The following HSDL2 variants were observed in gnomAD, a reference collection of about 807,000 sequenced individuals.
The protein encoded by HSDL2 is hydroxysteroid dehydrogenase-like protein 2.
Under a neutral mutation model 46.3 loss-of-function variants are expected in HSDL2, and 27 were observed. The observed-to-expected ratio is 0.58, with a 90% CI of 0.43 to 0.80. The LOEUF (loss-of-function observed/expected upper bound fraction) is 0.80. Among genes scored for constraint, HSDL2 ranks in the 30% least tolerant of loss-of-function variants. The pLI, the probability that HSDL2 is intolerant of heterozygous loss-of-function variation, is 0.00. For synonymous variants in HSDL2, 153 were observed against 163.6 expected (o/e 0.94, Z 0.50); for missense variants, 451 against 502.7 (o/e 0.90, Z 0.98).
At chr9:112,442,129 C>T (rs983616448) in intron 8 of HSDL2, among the ~76,000 whole-genome samples, 3 of 151,470 alleles carry the variant, frequency 2.0e-5, no homozygotes, top group African/African-American at 4.9e-5. Context: ...ATACGTTGGG[C>T]GTGGTGGCAC....
chr9:112,411,589 C>T (rs577706050), intron 4 of HSDL2, among the ~76,000 whole-genome samples: 8 of 152,220 alleles, frequency 5.3e-5, no homozygotes, highest in South Asian at 2.1e-4. Flanking sequence ...GCAGGAGAAT[C>T]GCTTGAACCC....
At chr9:112,467,131 A>G (rs1448928188) in intron 10 of HSDL2, among the ~76,000 whole-genome samples, 2 of 152,246 alleles carry the variant, frequency 1.3e-5, no homozygotes, top group Admixed American at 6.5e-5. Flanking sequence ...TATTCACAGC[A>G]GCGCTATTCA....
intron 10 of HSDL2, among the ~76,000 whole-genome samples, chr9:112,465,594 C>T (rs1833351659): frequency 6.6e-6 from 1 of 152,200 alleles, no homozygotes; most frequent in African/African-American, 2.4e-5. Flanking sequence ...AACCACTAAT[C>T]TGCTTTTTCT....
At chr9:112,385,065 G>T (rs919885885) in intron 1 of HSDL2, among the ~76,000 whole-genome samples, 1 of 152,144 alleles carries the variant, frequency 6.6e-6, no homozygotes, top group South Asian at 2.1e-4. Flanking sequence ...CTACAGCCTT[G>T]CTTGCAGTAG....
intron 1 of HSDL2, among the ~76,000 whole-genome samples, chr9:112,390,068 A>G (rs7857879): frequency 0.13 from 19,006 of 141,826 alleles, 1,655 homozygotes; most frequent in East Asian, 0.22. Context: ...CTGTCTCAAA[A>G]TAAATAAATA....
At chr9:112,440,546 C>T (rs1832618327) in intron 7 of HSDL2, among the ~76,000 whole-genome samples, 1 of 152,138 alleles carries the variant, frequency 6.6e-6, no homozygotes, top group East Asian at 1.9e-4. Context: ...AACAGTTAAC[C>T]TATTTGCTAA....
chr9:112,470,574 A>G lies in HSDL2; in HGVS notation c.*30A>G, dbSNP rs1391273868. 4 of 1,263,442 alleles carry G rather than the reference A, an allele frequency of 3.2e-6. No individual in the cohort carries two copies. The highest frequency in any genetic ancestry group is 4.5e-6 in the Non-Finnish European group (4 of 888,448). 78.3% of individuals were successfully genotyped at this position (1,263,442 alleles called of 1,614,324 possible). ...AAATATAAAAAAAAAGTCGACTGCTATGCTCAAAAAGTAAAAAAAGCTCAA... is the reference window on the plus strand; with the variant it reads ...AAATATAAAAAAAAAGTCGACTGCTGTGCTCAAAAAGTAAAAAAAGCTCAA... On this transcript the variant is annotated 3_prime_UTR_variant, in exon 11 of 11. Coordinates refer to ENST00000398805, the MANE Select transcript of HSDL2 (RefSeq NM_032303.5).
In HSDL2 at chr9:112,449,742, G is replaced by A. The variant is rs529555725; in HGVS notation, c.866-4271G>A. On this transcript the variant is annotated intron_variant, in intron 8 of 10. Transcript: ENST00000398805. Reference sequence around the variant, plus strand: ...TAGTCGGGTGTGGTGGTGCACATCTGTAATCCCAGCTGCCCAGGAGGTGGA... The same window carrying A: ...TAGTCGGGTGTGGTGGTGCACATCTATAATCCCAGCTGCCCAGGAGGTGGA... 6.1e-4 allele frequency among the ~76,000 whole-genome samples: 93 copies of A among 151,780 alleles called. 1 individual carries two copies. The highest frequency in any genetic ancestry group is 2.2e-3 in the African/African-American group (93 of 41,386).
intron 6 of HSDL2, chr9:112,434,258 T>G (rs1832467796): frequency 1.3e-5 from 2 of 151,768 alleles, no homozygotes. Flanking sequence ...GGGTGGGGAG[T>G]CTGGGAATGG....
At chr9:112,416,728 C>A in intron 4 of HSDL2, 113 bp from the exon 5 acceptor site, 1 of 532,542 alleles carries the variant, frequency 1.9e-6, no homozygotes, top group Non-Finnish European at 3.4e-6. Flanking sequence ...GAACTGTGAT[C>A]GAGTCATGCA....
At chr9:112,385,761 C>T (rs963373761) in intron 1 of HSDL2, among the ~76,000 whole-genome samples, 2 of 149,834 alleles carry the variant, frequency 1.3e-5, no homozygotes, top group Non-Finnish European at 3.0e-5. Flanking sequence ...CCAAAGTGCT[C>T]GGATTACAGG....
intron 1 of HSDL2, among the ~76,000 whole-genome samples, chr9:112,385,638 C>A (rs937195594): frequency 6.6e-6 from 1 of 152,012 alleles, no homozygotes; most frequent in African/African-American, 2.4e-5. Context: ...AGGCACCTGC[C>A]ACCACGCCTG....
chr9:112,453,522 AGCT>A (rs1832938601), intron 8 of HSDL2, among the ~76,000 whole-genome samples: 1 of 152,038 alleles, frequency 6.6e-6, no homozygotes, highest in South Asian at 2.1e-4. Context: ...CCTCCCAAGT[AGCT>A]GGGACTACAG....
intron 6 of HSDL2, among the ~76,000 whole-genome samples, chr9:112,432,236 G>A (rs1275287957): frequency 6.6e-6 from 1 of 152,176 alleles, no homozygotes; most frequent in Non-Finnish European, 1.5e-5. Context: ...GTGATCAATT[G>A]TGTCAGATTA....
Position 112,445,095 on chromosome 9 carries a change from TCTCAAACTCCTGGC to T in HSDL2, c.865+3333_865+3346del, listed in dbSNP as rs745742355. Among the ~76,000 whole-genome samples the T allele has an allele frequency of 7.0e-4, 106 of 152,072 alleles. 1 individual carries two copies. Among genetic ancestry groups the T allele is most frequent in the Non-Finnish European group, 1.4e-3 (93 of 68,010 alleles). On this transcript the variant is annotated intron_variant, in intron 8 of 10. Coordinates refer to ENST00000398805, the MANE Select transcript of HSDL2 (RefSeq NM_032303.5). The stretch of plus-strand genomic sequence containing the variant: ...GGTCTTGTTATATTGCCCAGGCTGG[TCTCAAACTCCTGGC>T]CTCAAACAATCATCCTGCCTCGGCC...
At chr9:112,443,147 G>A (rs753490904) in intron 8 of HSDL2, among the ~76,000 whole-genome samples, 8 of 152,122 alleles carry the variant, frequency 5.3e-5, no homozygotes, top group Non-Finnish European at 8.8e-5. Context: ...CCCAAACTCC[G>A]ATTTTTGCCC....
chr9:112,424,880 A>C (rs956655236), intron 6 of HSDL2, among the ~76,000 whole-genome samples: 1 of 151,832 alleles, frequency 6.6e-6, no homozygotes, highest in African/African-American at 2.4e-5. Context: ...CCTTTATTAC[A>C]AATATACTAG....
rs7032247 is a variant in HSDL2 at position 112,461,081 on chromosome 9, A to C, written c.1144+1504A>C. Among the ~76,000 whole-genome samples the C allele has an allele frequency of 6.9e-3, 1,036 of 150,738 alleles. 16 individuals are homozygous for C. The highest frequency in any genetic ancestry group is 0.024 in the African/African-American group (976 of 41,312). On this transcript the variant is annotated intron_variant, in intron 10 of 10. Coordinates refer to ENST00000398805, the MANE Select transcript of HSDL2 (RefSeq NM_032303.5). ...TTATCATTGGTTATCCCTTTAATGA[A>C]TTTTTTTTTTTTGAGACGGAGTTTT...
chr9:112,397,407 T>C (rs1314531209), intron 1 of HSDL2, among the ~76,000 whole-genome samples: 2 of 152,228 alleles, frequency 1.3e-5, no homozygotes, highest in African/African-American at 2.4e-5. Flanking sequence ...GAGAATACCT[T>C]GAGCGTGCTC....
Sources: gnomAD v4.1 joint callset for allele counts (sites outside exome capture counted in the v4.1 genomes callset) on GRCh38, gnomAD v4.1.1 for gene constraint, MANE v1.5 for transcripts, NCBI Gene and HGNC (gene_info 2026-07-23, HGNC 2026-07-21) for gene names.